Variants in ZSCAN29 observed in about 807,000 individuals in gnomAD.
The protein encoded by ZSCAN29 is zinc finger and SCAN domain containing 29.
Under a neutral mutation model 71.9 loss-of-function variants are expected in ZSCAN29, and 55 were observed. The ratio of observed to expected loss-of-function variants is 0.76; its 90% CI spans 0.62 to 0.96. ZSCAN29 has a LOEUF of 0.96. Ranked by LOEUF, ZSCAN29 falls within the 40% of genes least tolerant of loss-of-function variation. The pLI is 0.00. For missense variants in ZSCAN29, 1,042 were observed against 1,042.2 expected (o/e 1.00, Z 0.00); for synonymous variants, 351 against 371.6 (o/e 0.94, Z 0.64).
rs2044077713 is a variant in ZSCAN29 at position 43,369,580 on chromosome 15, C to A, written c.318+16G>T. 8 of 1,602,968 alleles carry A rather than the reference C, an allele frequency of 5.0e-6. No homozygotes were observed. Among genetic ancestry groups the A allele is most frequent in the South Asian group, 1.1e-5 (1 of 89,790 alleles). ...AGTATCACACTTTTGAATTTGAATT[C>A]CCCCTCCCTTCTCACCGAAGATCTA... is the stretch of plus-strand genomic sequence containing the variant. On this transcript the variant is annotated intron_variant, in intron 2 of 5. Coordinates refer to ENST00000684362, the MANE Select transcript of ZSCAN29 (RefSeq NM_001372080.1).
At position 43,361,473 on chromosome 15, in the gene ZSCAN29, T is replaced by G. The variant is rs759407427; in HGVS notation, c.2159A>C (p.Asn720Thr). ...GTGGATTCTCCTATGGGTGATGAAA[T>G]TTGAACTGTCACGGAAACTTTTTCC... Reference protein sequence around the residue: ...DCGKSFRDSSNFITHRRIHTG... With the variant: ...DCGKSFRDSSTFITHRRIHTG... The change falls in exon 6 of 6, where the codon AAT becomes ACT. Residue 720 changes from asparagine to threonine, a missense_variant. By Grantham distance (65) the Asn-to-Thr change is moderately conservative. Transcript: ENST00000684362. 28 of 1,613,418 alleles carry G rather than the reference T, an allele frequency of 1.7e-5. No individual in the cohort carries two copies. The highest frequency in any genetic ancestry group is 2.1e-5 in the Non-Finnish European group (25 of 1,179,482).
In ZSCAN29 at chr15:43,364,103, G is replaced by C. The variant is rs1478184493; in HGVS notation, c.1502C>G (p.Pro501Arg). 6.2e-7 allele frequency: 1 copy of C among 1,614,152 alleles called. No individual in the cohort carries two copies. The highest frequency in any genetic ancestry group is 1.7e-5 in the Admixed American group (1 of 60,010). ...AGTCTCTTCCTGGCCATCATTGGGT[G>C]GGGCAGCAACCCGGACACTCACCAA... ...DALVSVRVAAPPNDGQEETAS... is the reference protein window; with the variant it reads ...DALVSVRVAARPNDGQEETAS... The change falls in exon 5 of 6, where the codon CCA (proline) becomes CGA (arginine). Residue 501 changes from proline (P) to arginine (R), a missense_variant. By Grantham distance (103) the Pro-to-Arg change is moderately radical. Coordinates refer to ENST00000684362, the MANE Select transcript of ZSCAN29 (RefSeq NM_001372080.1).
chr15:43,368,771 T>G, intron 3 of ZSCAN29, 152 bp downstream of exon 3: 1 of 648,270 alleles, frequency 1.5e-6, no homozygotes. Context: ...TATCAAGAGG[T>G]AATATGAATA....
At position 43,369,638 on chromosome 15, in the gene ZSCAN29, G is replaced by A. The variant is rs750908645; in HGVS notation, c.276C>T (p.Leu92=). ...CAGGCTCTCTTTCTAAATCTTCCAC[G>A]AGAGTCACTGCCTCCTCTCCATTTT... ...CPENGEEAVT[L]VEDLEREPGR... Residue 92 remains leucine (L), a synonymous_variant, in exon 2 of 6, where the codon CTC becomes CTT. Transcript: ENST00000684362. 8 of 1,613,798 alleles carry A rather than the reference G, an allele frequency of 5.0e-6. No homozygotes were observed. The highest frequency in any genetic ancestry group is 2.2e-5 in the South Asian group (2 of 91,072).
intron 5 of ZSCAN29, among the ~76,000 whole-genome samples, chr15:43,362,637 G>A (rs1442008711): frequency 6.6e-6 from 1 of 152,046 alleles, no homozygotes; most frequent in Non-Finnish European, 1.5e-5. Context: ...GCCCATGTTT[G>A]TACCTCCTGA....
At chr15:43,361,996 A>C in intron 5 of ZSCAN29, 55 bp from the exon 6 acceptor site, 1 of 1,530,446 alleles carries the variant, frequency 6.5e-7, no homozygotes, top group Non-Finnish European at 8.8e-7. Context: ...TATGTGCCAC[A>C]GGAATGTAAA....
In ZSCAN29 at chr15:43,361,300, T is replaced by C; in HGVS notation, c.2332A>G (p.Ser778Gly). The change falls in exon 6 of 6, where the codon AGT becomes GGT. Residue 778 changes from serine to glycine, a missense_variant. Coordinates refer to ENST00000684362, the MANE Select transcript of ZSCAN29 (RefSeq NM_001372080.1). ...CCTGTGTGTATCCTCCGATGTGCAC[T>C]AAAATGAGAACTGTTATTGAAGCTT... ...GKSFNNSSHF[S>G]AHRRIHTGER... The C allele has an allele frequency of 6.2e-7, 1 of 1,614,200 alleles. No homozygotes were observed. The highest frequency in any genetic ancestry group is 2.2e-5 in the East Asian group (1 of 44,884).
intron 5 of ZSCAN29, among the ~76,000 whole-genome samples, chr15:43,363,001 T>C (rs2043997473): frequency 6.6e-6 from 1 of 152,058 alleles, no homozygotes; most frequent in South Asian, 2.1e-4. Context: ...TAACTTTTTT[T>C]TTTTTTTCAT....
At chr15:43,365,567 G>C (rs2044027379) in intron 4 of ZSCAN29, among the ~76,000 whole-genome samples, 1 of 151,926 alleles carries the variant, frequency 6.6e-6, no homozygotes, top group Non-Finnish European at 1.5e-5. Context: ...GACCAGCCTG[G>C]GCAACACAGC....
rs776755616 is a variant in ZSCAN29 at position 43,369,049 on chromosome 15, C to T, written c.397G>A (p.Val133Ile). ...PPKSSQELLSVRQESVEPQPR... is the reference protein window; with the variant it reads ...PPKSSQELLSIRQESVEPQPR... ...TGGGGTTCCACTGACTCCTGCCGAA[C>T]ACTTAATAACTCTTGTGATGATTTC... The change falls in exon 3 of 6, where the codon GTT becomes ATT. Residue 133 changes from valine (V) to isoleucine (I), a missense_variant. Transcript: ENST00000684362. The T allele has an allele frequency of 3.1e-6, 5 of 1,611,826 alleles. No individual in the cohort carries two copies. In the African/African-American group the frequency reaches 6.7e-5, roughly 22 times the overall value.
intron 5 of ZSCAN29, among the ~76,000 whole-genome samples, chr15:43,363,135 C>A (rs543381652): frequency 6.6e-6 from 1 of 152,158 alleles, no homozygotes; most frequent in Admixed American, 6.5e-5. Flanking sequence ...GCGCTACCAC[C>A]CCTGGCTAAT....
rs750297466 is a variant in ZSCAN29 at position 43,364,295 on chromosome 15, C to T, written c.1310G>A (p.Arg437His). The T allele has an allele frequency of 1.9e-5, 30 of 1,614,082 alleles. No homozygotes were observed. Among genetic ancestry groups the T allele is most frequent in the East Asian group, 4.5e-5 (2 of 44,894 alleles). Residue 437 changes from arginine (R) to histidine (H), a missense_variant, in exon 5 of 6, where the codon CGC (arginine) becomes CAC (histidine). Coordinates refer to ENST00000684362, the MANE Select transcript of ZSCAN29 (RefSeq NM_001372080.1). ...CACTGCTCCATACAGCTGGCTGTTG[C>T]GGTGACAGTTCCGGAGGGCTTCATA... ...QFYEALRNCH[R>H]NSQLYGAVAE...
chr15:43,366,572 T>C lies in ZSCAN29; in HGVS notation c.760A>G (p.Arg254Gly), dbSNP rs754955840. Residue 254 changes from arginine to glycine, a missense_variant, in exon 4 of 6, where the codon AGA becomes GGA. Transcript: ENST00000684362. ...AGVHWGYEET[R>G]TLLAILSQTE... ...TGGCTGAGAATTGCGAGGAGCGTTC[T>C]GGTCTCTTCATAGCCCCAGTGCACA... The C allele has an allele frequency of 1.2e-6, 2 of 1,614,134 alleles. No homozygotes were observed. Among genetic ancestry groups the C allele is most frequent in the African/African-American group, 2.7e-5 (2 of 74,940 alleles).
rs1346112571 is a variant in ZSCAN29, at chr15:43,369,294, A to T, written c.319-167T>A. On this transcript the variant is annotated intron_variant, in intron 2 of 5. Transcript: ENST00000684362. Reference sequence around the variant, plus strand: ...GGTCTTATTCCATTGCCATTAGCTTAAAGCAGTTGAAACTCCAGAAGGAAA... The same window carrying T: ...GGTCTTATTCCATTGCCATTAGCTTTAAGCAGTTGAAACTCCAGAAGGAAA... 3 of 659,942 alleles carry T rather than the reference A, an allele frequency of 4.5e-6. No individual in the cohort carries two copies. In the African/African-American group the frequency reaches 5.5e-5, roughly 12 times the overall value. 40.9% of individuals were successfully genotyped at this position (659,942 alleles called of 1,614,324 possible).
intron 5 of ZSCAN29, among the ~76,000 whole-genome samples, chr15:43,362,566 G>A (rs1367880815): frequency 6.6e-6 from 1 of 152,076 alleles, no homozygotes; most frequent in Non-Finnish European, 1.5e-5. Context: ...GCTATTTCAG[G>A]TAAACTCTGA....
chr15:43,369,380 A>T (rs2142739436), intron 2 of ZSCAN29: 1 of 604,210 alleles, frequency 1.7e-6, no homozygotes, highest in Non-Finnish European at 2.7e-6. Context: ...CTTCCCTATT[A>T]AGAAACTATA....
Position 43,369,719 on chromosome 15 carries a change from C to A in ZSCAN29, c.195G>T (p.Gln65His), listed in dbSNP as rs1463445854. 17 of 1,614,258 alleles carry A rather than the reference C, an allele frequency of 1.1e-5. No homozygotes were observed. The highest frequency in any genetic ancestry group is 1.3e-5 in the Non-Finnish European group (15 of 1,180,054). ...EQIVELLVLE[Q>H]FLTVLPGEIQ... The stretch of plus-strand genomic sequence containing the variant: ...TCTCCCCAGGTAAGACGGTCAGGAA[C>A]TGCTCTAGCACCAACAGTTCTACAA... Residue 65 changes from glutamine (Q) to histidine (H), a missense_variant, in exon 2 of 6, where the codon CAG becomes CAT. Gln to His is a conservative substitution (Grantham distance 24). Transcript: ENST00000684362.
chr15:43,361,542 C>T lies in ZSCAN29; in HGVS notation c.2090G>A (p.Arg697Gln), dbSNP rs140834077. 62 of 1,613,972 alleles carry T rather than the reference C, an allele frequency of 3.8e-5. No individual in the cohort carries two copies. In the East Asian group the frequency reaches 6.7e-4, roughly 17 times the overall value. ...FSRSARLIRHRRIHTGEKPYK... is the reference protein window; with the variant it reads ...FSRSARLIRHQRIHTGEKPYK... The stretch of plus-strand genomic sequence containing the variant: ...AGGTTTCTCTCCAGTGTGGATTCTC[C>T]GGTGTCTAATGAGTCGTGCACTCCG... The change falls in exon 6 of 6, where the codon CGG becomes CAG. Residue 697 changes from arginine to glutamine, a missense_variant. Arg to Gln is a conservative substitution (Grantham distance 43). Transcript: ENST00000684362.
chr15:43,363,825 G>A, intron 5 of ZSCAN29, 90 bp downstream of exon 5: 2 of 1,271,478 alleles, frequency 1.6e-6, no homozygotes, highest in Non-Finnish European at 2.2e-6. Flanking sequence ...AAAGCTGGGT[G>A]TAGAGGCCAG....
Sources: allele counts gnomAD v4.1 joint callset (sites outside exome capture counted in the v4.1 genomes callset), GRCh38; gene constraint gnomAD v4.1.1; transcripts MANE v1.5; gene names NCBI Gene and HGNC (gene_info 2026-07-23, HGNC 2026-07-21).